Variants in TLR2 observed in about 807,000 individuals in gnomAD.
The protein encoded by TLR2 is toll like receptor 2, also known as toll-like receptor 2.
A neutral mutation model predicts 9.1 loss-of-function variants in TLR2; 7 were observed. The ratio of observed to expected loss-of-function variants is 0.77; its 90% CI spans 0.44 to 1.44. TLR2 has a LOEUF of 1.44. TLR2 is among the 40% of genes most tolerant of loss of function. The probability of loss-of-function intolerance (pLI) is 0.01; values close to 1 mark genes in which losing one functional copy is unlikely to be tolerated. For missense variants in TLR2, 812 were observed against 904.6 expected, an observed-to-expected ratio of 0.90 and a Z score of 1.31; for synonymous variants, 317 against 344.6, an observed-to-expected ratio of 0.92 and a Z score of 0.89.
chr4:153,689,337 CTCTTGCCATATT>C (rs1260256944), intron 2 of TLR2, among the ~76,000 whole-genome samples: 4 of 152,198 alleles, frequency 2.6e-5, no homozygotes, highest in African/African-American at 9.7e-5. Flanking sequence ...ATAATAGGAA[CTCTTGCCATATT>C]TCTTGCTATT....
chr4:153,694,859 C>T (rs1235250561), intron 2 of TLR2, among the ~76,000 whole-genome samples: 2 of 152,214 alleles, frequency 1.3e-5, no homozygotes, highest in African/African-American at 4.8e-5. Flanking sequence ...AACCATCATT[C>T]TACTCTCTTA....
intron 1 of TLR2, among the ~76,000 whole-genome samples, chr4:153,684,984 C>T (rs1054683598): frequency 5.3e-5 from 8 of 152,080 alleles, no homozygotes; most frequent in African/African-American, 1.9e-4. Context: ...TGTGTCCTCG[C>T]TCACTGGTTA....
In TLR2 at chr4:153,703,051, A is replaced by C; in HGVS notation, c.144A>C (p.Ser48=). 6.2e-7 allele frequency: 1 copy of C among 1,614,024 alleles called. No homozygotes were observed. The highest frequency in any genetic ancestry group is 8.5e-7 in the Non-Finnish European group (1 of 1,179,998). The change falls in exon 3 of 3, where the codon TCA becomes TCC. Residue 48 remains serine (S), a synonymous_variant. Transcript: ENST00000642700. ...GSSGSLNSIP[S]GLTEAVKSLD... The stretch of plus-strand genomic sequence containing the variant: ...CAGGATCTTTAAACTCCATTCCCTC[A>C]GGGCTCACAGAAGCTGTAAAAAGCC...
At chr4:153,687,376 A>AT (rs1560734903) in intron 1 of TLR2, among the ~76,000 whole-genome samples, 1 of 152,168 alleles carries the variant, frequency 6.6e-6, no homozygotes, top group Admixed American at 6.5e-5. Flanking sequence ...TCAGAAGTTG[A>AT]TTTTTTGAAA....
At chr4:153,693,722 G>A (rs1736285086) in intron 2 of TLR2, among the ~76,000 whole-genome samples, 1 of 152,176 alleles carries the variant, frequency 6.6e-6, no homozygotes, top group Non-Finnish European at 1.5e-5. Context: ...CATCTTTAGT[G>A]TGAAAAGGTT....
At chr4:153,698,102 G>T (rs572233013) in intron 2 of TLR2, among the ~76,000 whole-genome samples, 4 of 152,140 alleles carry the variant, frequency 2.6e-5, no homozygotes, top group East Asian at 3.9e-4. Flanking sequence ...AACAAAAATC[G>T]TAAAGTGTTC....
At chr4:153,696,551 A>G (rs1736509647) in intron 2 of TLR2, among the ~76,000 whole-genome samples, 1 of 152,196 alleles carries the variant, frequency 6.6e-6, no homozygotes, top group Non-Finnish European at 1.5e-5. Context: ...TTGATTTTGT[A>G]TACTACAATT....
chr4:153,703,274 C>A lies in TLR2; in HGVS notation c.367C>A (p.Leu123Ile), dbSNP rs773838555. The change falls in exon 3 of 3, where the codon CTT (leucine) becomes ATT (isoleucine). Residue 123 changes from leucine (L) to isoleucine (I), a missense_variant. By Grantham distance (5) the Leu-to-Ile change is conservative. Transcript: ENST00000642700. ...SNLSSSWFKP[L>I]SSLTFLNLLG... ...TTTATCGTCTTCCTGGTTCAAGCCC[C>A]TTTCTTCTTTAACATTCTTAAACTT... 16 of 1,612,704 alleles carry A rather than the reference C, an allele frequency of 9.9e-6. No individual in the cohort carries two copies. The highest frequency in any genetic ancestry group is 1.3e-5 in the African/African-American group (1 of 74,706).
chr4:153,702,382 A>G (rs1270386284), intron 2 of TLR2: 1 of 152,202 alleles, frequency 6.6e-6, no homozygotes, highest in Non-Finnish European at 1.5e-5. Flanking sequence ...AAAGCATGCT[A>G]CTCCTGGAGT....
chr4:153,704,126 G>A lies in TLR2; in HGVS notation c.1219G>A (p.Glu407Lys), dbSNP rs909303073. Residue 407 changes from glutamate to lysine, a missense_variant, in exon 3 of 3, where the codon GAG (glutamate) becomes AAG (lysine). Physicochemically the swap from Glu to Lys is moderately conservative, Grantham distance 56. Transcript: ENST00000642700. The part of the protein sequence containing the change: ...NHLASLEKTG[E>K]TLLTLKNLTN... ...TTTGGCATCATTGGAAAAAACCGGA[G>A]AGACTTTGCTCACTCTGAAAAACTT... The A allele has an allele frequency of 6.2e-7, 1 of 1,613,724 alleles. No individual in the cohort carries two copies. Among genetic ancestry groups the A allele is most frequent in the Non-Finnish European group, 8.5e-7 (1 of 1,179,992 alleles).
intron 2 of TLR2, among the ~76,000 whole-genome samples, chr4:153,692,523 C>T (rs1213242738): frequency 1.3e-5 from 2 of 152,188 alleles, no homozygotes; most frequent in African/African-American, 4.8e-5. Context: ...ACAATGGCCA[C>T]CATCAAAAAT....
At chr4:153,707,456 G>A (rs757639887), downstream of TLR2, among the ~76,000 whole-genome samples, 11 of 152,140 alleles carry the variant, frequency 7.2e-5, no homozygotes, top group Admixed American at 3.9e-4. Context: ...ATGCTGAGGT[G>A]GGAGGATCAC....
rs2127063855 is a variant in TLR2 at position 153,703,358 on chromosome 4, T to C, written c.451T>C (p.Leu151=). 1 of 1,614,006 alleles carries C rather than the reference T, an allele frequency of 6.2e-7. No individual in the cohort carries two copies. The highest frequency in any genetic ancestry group is 8.5e-7 in the Non-Finnish European group (1 of 1,179,988). Residue 151 remains leucine (L), a synonymous_variant, in exon 3 of 3, where the codon TTG becomes CTG. Transcript: ENST00000642700. ...ETSLFSHLTK[L]QILRVGNMDT... The stretch of plus-strand genomic sequence containing the variant: ...ATCTCTTTTTTCTCATCTCACAAAA[T>C]TGCAAATCCTGAGAGTGGGAAATAT...
chr4:153,705,245 G>C lies in TLR2; in HGVS notation c.2338G>C (p.Ala780Pro). The stretch of plus-strand genomic sequence containing the variant: ...GGAAGGATTTTGGGTAAATCTGAGA[G>C]CTGCGATAAAGTCCTAGGTTCCCAT... ...QREGFWVNLR[A>P]AIKS Residue 780 changes from alanine to proline, a missense_variant, in exon 3 of 3, where the codon GCT becomes CCT. Transcript: ENST00000642700. 1 of 1,587,966 alleles carries C rather than the reference G, an allele frequency of 6.3e-7. No individual in the cohort carries two copies. The highest frequency in any genetic ancestry group is 8.6e-7 in the Non-Finnish European group (1 of 1,165,394).
At chr4:153,690,254 G>T (rs1472998221) in intron 2 of TLR2, among the ~76,000 whole-genome samples, 1 of 152,228 alleles carries the variant, frequency 6.6e-6, no homozygotes, top group Non-Finnish European at 1.5e-5. Flanking sequence ...GCTAGATTCA[G>T]TTGTATATGG....
In TLR2 at chr4:153,704,552, C is replaced by G; in HGVS notation, c.1645C>G (p.Gln549Glu). Residue 549 changes from glutamine to glutamate, a missense_variant, in exon 3 of 3, where the codon CAA becomes GAA. By Grantham distance (29) the Gln-to-Glu change is conservative. Transcript: ENST00000642700. ...CEFLSFTQEQQALAKVLIDWP... is the reference protein window; with the variant it reads ...CEFLSFTQEQEALAKVLIDWP... Reference sequence around the variant, plus strand: ...ATTCCTCTCCTTCACTCAGGAGCAGCAAGCACTGGCCAAAGTCTTGATTGA... The same window carrying G: ...ATTCCTCTCCTTCACTCAGGAGCAGGAAGCACTGGCCAAAGTCTTGATTGA... 1 of 1,613,928 alleles carries G rather than the reference C, an allele frequency of 6.2e-7. No individual in the cohort carries two copies. The highest frequency in any genetic ancestry group is 8.5e-7 in the Non-Finnish European group (1 of 1,179,956).
chr4:153,705,292 A>G lies in TLR2; in HGVS notation c.*30A>G. ...CCATATTTAAGACCAGTCTTTGTCT[A>G]GTTGGGATCTTTATGTCACTAGTTA... On this transcript the variant is annotated 3_prime_UTR_variant, in exon 3 of 3. Coordinates refer to ENST00000642700, the MANE Select transcript of TLR2 (RefSeq NM_001318789.2). The G allele has an allele frequency of 6.6e-7, 1 of 1,519,078 alleles. No individual in the cohort carries two copies. The highest frequency in any genetic ancestry group is 2.3e-5 in the East Asian group (1 of 43,860). The allele number at this position is 1,519,078 out of a possible 1,614,324, so 94.1% of individuals were successfully genotyped here.
chr4:153,689,420 T>C (rs1735945667), intron 2 of TLR2, among the ~76,000 whole-genome samples: 1 of 152,242 alleles, frequency 6.6e-6, no homozygotes, highest in Non-Finnish European at 1.5e-5. Context: ...GCACGCAGAC[T>C]GAGAGGTGCA....
At chr4:153,684,937 G>A (rs1735591004) in intron 1 of TLR2, among the ~76,000 whole-genome samples, 1 of 152,182 alleles carries the variant, frequency 6.6e-6, no homozygotes, top group African/African-American at 2.4e-5. Flanking sequence ...ACAAAGATTG[G>A]GTAAAGGCTT....
Sources: allele counts gnomAD v4.1 joint callset (sites outside exome capture counted in the v4.1 genomes callset), GRCh38; gene constraint gnomAD v4.1.1; transcripts MANE v1.5; gene names NCBI Gene and HGNC (gene_info 2026-07-23, HGNC 2026-07-21).